The following LIPI variants were observed in gnomAD, a reference collection of about 807,000 sequenced individuals.
The protein encoded by LIPI is lipase member I.
A neutral mutation model predicts 50.6 loss-of-function variants in LIPI; 59 were observed. The observed-to-expected ratio is 1.16, with a 90% confidence interval of 0.94 to 1.45. The LOEUF is 1.45. Ranked by LOEUF, LIPI falls within the 40% of genes most tolerant of loss-of-function variation. The pLI is 0.00. For synonymous variants in LIPI, 203 were observed against 178.2 expected (o/e 1.14, Z -1.11); for missense variants, 586 against 536.3 (o/e 1.09, Z -0.92).
chr21:14,152,071 T>TTTTATTTATTTA (rs71819029), intron 8 of LIPI, among the ~76,000 whole-genome samples: 3 of 143,502 alleles, frequency 2.1e-5, no homozygotes, highest in South Asian at 2.2e-4. Context: ...CTTTAACTTA[T>TTTTATTTATTTA]TTTATTTATT....
In LIPI at chr21:14,210,819, C is replaced by G; in HGVS notation, c.27G>C (p.Leu9Phe). The G allele has an allele frequency of 8.2e-7, 1 of 1,226,398 alleles. No homozygotes were observed. Among genetic ancestry groups the G allele is most frequent in the Non-Finnish European group, 1.1e-6 (1 of 951,428 alleles). The allele number at this position is 1,226,398 out of a possible 1,614,324, so 76.0% of individuals were successfully genotyped here. A position where few individuals can be genotyped will look rare whatever the true frequency, so the allele number is the denominator to read the frequency against. The part of the protein sequence containing the change: MRVYIFLC[L>F]MCWVRSDNKR... ...TCTTACCAGATCTCACCCAGCACATCAAACAAAGAAAAATGTATACTCTCA... is the reference window on the plus strand; with the variant it reads ...TCTTACCAGATCTCACCCAGCACATGAAACAAAGAAAAATGTATACTCTCA... Residue 9 changes from leucine (L) to phenylalanine (F), a missense_variant, in exon 1 of 10, where the codon TTG (leucine) becomes TTC (phenylalanine). Transcript: ENST00000681601.
At chr21:14,123,283 C>T (rs2016933164) in intron 9 of LIPI, among the ~76,000 whole-genome samples, 1 of 152,192 alleles carries the variant, frequency 6.6e-6, no homozygotes, top group Admixed American at 6.5e-5. Context: ...AGTGGAGAAG[C>T]TTCATAGACA....
intron 4 of LIPI, among the ~76,000 whole-genome samples, chr21:14,177,514 T>A (rs1468266791): frequency 6.6e-6 from 1 of 152,090 alleles, no homozygotes; most frequent in Non-Finnish European, 1.5e-5. Context: ...TCTCTTTTCT[T>A]GCCTTCTTTT....
chr21:14,124,233 A>T (rs1462903369), intron 9 of LIPI, among the ~76,000 whole-genome samples: 1 of 152,200 alleles, frequency 6.6e-6, no homozygotes, highest in African/African-American at 2.4e-5. Context: ...TGGGAAGAAT[A>T]TGTGCCTACA....
chr21:14,143,654 T>C (rs535017120), intron 9 of LIPI: 1 of 152,258 alleles, frequency 6.6e-6, no homozygotes, highest in Non-Finnish European at 1.5e-5. Flanking sequence ...ACCATTTCTA[T>C]AGGCTCTCAG....
In LIPI at chr21:14,161,773, T is replaced by A. The variant is rs1270024015; in HGVS notation, c.1006+1646A>T. ...TATATAATATATACATTATTATATA[T>A]TAATATATAATATATACATTATTAT... On this transcript the variant is annotated intron_variant, in intron 7 of 9. Transcript: ENST00000681601. Among the ~76,000 whole-genome samples the A allele has an allele frequency of 2.3e-3, 135 of 58,382 alleles. 26 individuals are homozygous for A. The highest frequency in any genetic ancestry group is 0.011 in the African/African-American group (133 of 11,786). 38.3% of individuals were successfully genotyped at this position (58,382 alleles called of 152,430 possible).
chr21:14,196,618 G>A (rs1245843256), intron 1 of LIPI, among the ~76,000 whole-genome samples: 42 of 152,084 alleles, frequency 2.8e-4, no homozygotes, highest in Admixed American at 2.8e-3. Context: ...CTGGAGGCTA[G>A]GAGTTCAAGA....
chr21:14,150,072 G>T (rs377636840), intron 8 of LIPI, among the ~76,000 whole-genome samples: 3 of 152,288 alleles, frequency 2.0e-5, no homozygotes, highest in East Asian at 3.9e-4. Flanking sequence ...TCTCCATGAG[G>T]GCTCTGCCCC....
chr21:14,184,977 G>A (rs961235257), intron 3 of LIPI, among the ~76,000 whole-genome samples: 7 of 151,876 alleles, frequency 4.6e-5, no homozygotes, highest in African/African-American at 1.7e-4. Context: ...ACTTAACTAA[G>A]GACACTATTT....
intron 1 of LIPI, among the ~76,000 whole-genome samples, chr21:14,191,149 C>A (rs991883164): frequency 2.6e-5 from 4 of 151,942 alleles, no homozygotes; most frequent in African/African-American, 9.7e-5. Flanking sequence ...GAGGCCGAGG[C>A]GGGCGGATCA....
At chr21:14,127,338 A>C (rs2017105478) in intron 9 of LIPI, among the ~76,000 whole-genome samples, 1 of 152,190 alleles carries the variant, frequency 6.6e-6, no homozygotes. Flanking sequence ...TAGGTAATTA[A>C]ACTTAAGCAT....
intron 6 of LIPI, among the ~76,000 whole-genome samples, chr21:14,164,884 G>A (rs1377531647): frequency 6.6e-6 from 1 of 152,110 alleles, no homozygotes; most frequent in Non-Finnish European, 1.5e-5. Flanking sequence ...GTGTTGCCAA[G>A]ACTGTGCAAG....
intron 6 of LIPI, 136 bp from the exon 7 acceptor site, chr21:14,163,659 AT>A (rs1568860069): frequency 1.6e-6 from 1 of 619,828 alleles, no homozygotes. Context: ...CTTAAAAAGC[AT>A]TTTTTCAAAT....
At chr21:14,170,927 A>T (rs79139792) in intron 4 of LIPI, among the ~76,000 whole-genome samples, 6 of 150,788 alleles carry the variant, frequency 4.0e-5, no homozygotes, top group African/African-American at 1.5e-4. Flanking sequence ...GTCAAATTGT[A>T]CCTGTTTGCA....
At chr21:14,174,624 G>A (rs953586393) in intron 4 of LIPI, among the ~76,000 whole-genome samples, 4 of 151,938 alleles carry the variant, frequency 2.6e-5, no homozygotes, top group Admixed American at 6.6e-5. Flanking sequence ...CATGATCTCC[G>A]CTCACTGTGA....
chr21:14,195,000 G>T (rs1017536755), intron 1 of LIPI, among the ~76,000 whole-genome samples: 1 of 152,128 alleles, frequency 6.6e-6, no homozygotes, highest in African/African-American at 2.4e-5. Flanking sequence ...ATTGCTGAAA[G>T]GGAAGCAATG....
intron 1 of LIPI, among the ~76,000 whole-genome samples, chr21:14,193,534 AACTT>A (rs2019746965): frequency 6.6e-6 from 1 of 152,176 alleles, no homozygotes; most frequent in African/African-American, 2.4e-5. Flanking sequence ...TATAGGCTGA[AACTT>A]AAAGAATGTA....
At chr21:14,133,196 G>GAC (rs2017362418) in intron 9 of LIPI, among the ~76,000 whole-genome samples, 2 of 151,996 alleles carry the variant, frequency 1.3e-5, no homozygotes, top group Admixed American at 1.3e-4. Flanking sequence ...ACCAGATAAA[G>GAC]ACACAACAAA....
At chr21:14,130,657 C>T (rs1324454809) in intron 9 of LIPI, among the ~76,000 whole-genome samples, 2 of 152,166 alleles carry the variant, frequency 1.3e-5, no homozygotes, top group African/African-American at 4.8e-5. Context: ...TGTGCCTGAC[C>T]CTTGGGCCAA....
Sources: allele counts gnomAD v4.1 joint callset (sites outside exome capture counted in the v4.1 genomes callset), GRCh38; gene constraint gnomAD v4.1.1; transcripts MANE v1.5; gene names NCBI Gene and HGNC (gene_info 2026-07-23, HGNC 2026-07-21).